CATSPER3: variants seen among roughly 807,000 people sequenced by gnomAD.
CATSPER3 encodes the protein cation channel sperm associated 3, also known as cation channel sperm-associated protein 3.
A neutral mutation model predicts 36.6 loss-of-function variants in CATSPER3; 23 were observed. That is an observed-to-expected ratio of 0.63 (90% CI 0.45 to 0.89). The LOEUF is 0.89. CATSPER3 is among the 40% of genes least tolerant of loss of function. The pLI is 0.00. For synonymous variants in CATSPER3, 172 were observed against 184.1 expected (o/e 0.93, Z 0.53); for missense variants, 474 against 503.9 (o/e 0.94, Z 0.57).
intron 3 of CATSPER3, among the ~76,000 whole-genome samples, chr5:135,000,158 T>G (rs1053319911): frequency 2.0e-5 from 3 of 152,194 alleles, no homozygotes; most frequent in Admixed American, 6.5e-5. Context: ...CTACATCTGT[T>G]GAGATAATCA....
At chr5:135,008,525 G>A (rs1324114279) in intron 4 of CATSPER3, among the ~76,000 whole-genome samples, 2 of 152,214 alleles carry the variant, frequency 1.3e-5, no homozygotes, top group African/African-American at 4.8e-5. Context: ...TCTAGATTCT[G>A]TTGGACTCTG....
At chr5:134,983,029 A>G (rs1580905706) in intron 2 of CATSPER3, among the ~76,000 whole-genome samples, 1 of 152,180 alleles carries the variant, frequency 6.6e-6, no homozygotes, top group East Asian at 1.9e-4. Flanking sequence ...CCAAAGGGTA[A>G]GCACTAAGGG....
intron 2 of CATSPER3, among the ~76,000 whole-genome samples, chr5:134,992,618 G>A (rs1046884433): frequency 6.6e-6 from 1 of 152,086 alleles, no homozygotes; most frequent in Non-Finnish European, 1.5e-5. Flanking sequence ...CCAGCTACCT[G>A]GGGGGCTGAG....
chr5:134,972,020 A>G (rs191866441), intron 2 of CATSPER3, among the ~76,000 whole-genome samples: 8 of 152,130 alleles, frequency 5.3e-5, no homozygotes, highest in Non-Finnish European at 1.0e-4. Context: ...GTGTTTTTAG[A>G]AAAAAAAGGG....
chr5:135,007,905 G>A, intron 3 of CATSPER3, 52 bp from the exon 4 acceptor site: 1 of 1,516,512 alleles, frequency 6.6e-7, no homozygotes, highest in Non-Finnish European at 9.1e-7. Context: ...TGTCCCTGGA[G>A]CCCACCCAGC....
chr5:135,009,889 C>T (rs1177051740), intron 6 of CATSPER3, among the ~76,000 whole-genome samples: 5 of 152,224 alleles, frequency 3.3e-5, no homozygotes, highest in Admixed American at 3.3e-4. Context: ...CCTTGGTTCT[C>T]TCACATTCCT....
chr5:135,009,017 A>C (rs767075406), intron 5 of CATSPER3, 36 bp downstream of exon 5: 2 of 1,613,696 alleles, frequency 1.2e-6, no homozygotes, highest in South Asian at 2.2e-5. Context: ...AGGTCAGGGC[A>C]GGTGTGGCAG....
chr5:135,003,646 G>C lies in CATSPER3; in HGVS notation c.493-4311G>C, dbSNP rs545030479. ...GCTTTGTTTACCTACTCAAGCCTCA[G>C]CAATGGCAGGCGCCCATCCCGCAGC... On this transcript the variant is annotated intron_variant, in intron 3 of 7. Transcript: ENST00000282611. Among the ~76,000 whole-genome samples the C allele has an allele frequency of 3.3e-5, 5 of 152,342 alleles. No individual in the cohort carries two copies. The South Asian group carries it at 1.0e-3, about 32-fold the overall frequency.
chr5:134,992,479 C>G (rs1432476176), intron 2 of CATSPER3, among the ~76,000 whole-genome samples: 1 of 152,154 alleles, frequency 6.6e-6, no homozygotes, highest in East Asian at 1.9e-4. Context: ...AATCCTAGCA[C>G]TTTGGAAGGC....
chr5:135,007,872 G>A (rs1752110127), intron 3 of CATSPER3, 85 bp from the exon 4 acceptor site: 3 of 1,082,480 alleles, frequency 2.8e-6, no homozygotes, highest in African/African-American at 1.6e-5. Flanking sequence ...GGGGACAGCT[G>A]TGAACTGGGC....
At chr5:135,000,406 C>T (rs1752005801) in intron 3 of CATSPER3, among the ~76,000 whole-genome samples, 1 of 152,146 alleles carries the variant, frequency 6.6e-6, no homozygotes, top group Non-Finnish European at 1.5e-5. Context: ...CTTTGCCAGG[C>T]TTTGGTATCA....
intron 2 of CATSPER3, among the ~76,000 whole-genome samples, chr5:134,984,506 A>G (rs748735621): frequency 2.0e-5 from 3 of 152,196 alleles, no homozygotes; most frequent in Non-Finnish European, 4.4e-5. Context: ...GCCAACAAAC[A>G]TTTGAAAAAA....
chr5:134,977,762 A>T (rs1045807776), intron 2 of CATSPER3, among the ~76,000 whole-genome samples: 4 of 152,180 alleles, frequency 2.6e-5, no homozygotes, highest in Admixed American at 6.5e-5. Flanking sequence ...TGAGTAATTT[A>T]TAAAGAAAAG....
chr5:134,968,549 G>A (rs191745239), intron 1 of CATSPER3: 105 of 204,792 alleles, frequency 5.1e-4, no homozygotes, highest in Non-Finnish European at 8.7e-4. Context: ...AGATTAGCCC[G>A]GAGTGATGGT....
chr5:135,009,845 G>A (rs933268180), intron 6 of CATSPER3, among the ~76,000 whole-genome samples: 18 of 152,226 alleles, frequency 1.2e-4, no homozygotes, highest in Admixed American at 9.2e-4. Flanking sequence ...CTGAGTGGAC[G>A]AGGATGCAGA....
chr5:134,994,033 G>A (rs1751914338), intron 2 of CATSPER3, among the ~76,000 whole-genome samples: 1 of 152,198 alleles, frequency 6.6e-6, no homozygotes, highest in African/African-American at 2.4e-5. Flanking sequence ...GCTGAGGCAG[G>A]AGAGTTGCTT....
rs1751857807 is a variant in CATSPER3 at position 134,989,931 on chromosome 5, A to AGGGTT, written c.253-6342_253-6341insGGGTT. On this transcript the variant is annotated intron_variant, in intron 2 of 7. Transcript: ENST00000282611. Reference sequence around the variant, plus strand: ...AACCCTTCATTTCACTTGAACACTTACAGATCATTGTAGGGTTATTAACTG... The same window carrying AGGGTT: ...AACCCTTCATTTCACTTGAACACTTAGGGTTCAGATCATTGTAGGGTTATTAACTG... Among the ~76,000 whole-genome samples, 3 of 152,272 alleles carry AGGGTT rather than the reference A, an allele frequency of 2.0e-5. 1 individual carries two copies. The South Asian group carries it at 6.2e-4, about 32-fold the overall frequency.
chr5:134,975,586 C>T (rs1260590238), intron 2 of CATSPER3, among the ~76,000 whole-genome samples: 1 of 152,178 alleles, frequency 6.6e-6, no homozygotes, highest in Non-Finnish European at 1.5e-5. Context: ...GCACTCCCAG[C>T]TGGATGACAG....
chr5:134,998,368 C>A (rs985581671), intron 3 of CATSPER3, among the ~76,000 whole-genome samples: 1 of 152,166 alleles, frequency 6.6e-6, no homozygotes, highest in Non-Finnish European at 1.5e-5. Context: ...TGAATAGTGC[C>A]ACAATAAACA....
Sources: allele counts gnomAD v4.1 joint callset (sites outside exome capture counted in the v4.1 genomes callset), GRCh38; gene constraint gnomAD v4.1.1; transcripts MANE v1.5; gene names NCBI Gene and HGNC (gene_info 2026-07-23, HGNC 2026-07-21).